WDR7: variants seen among roughly 807,000 people sequenced by gnomAD.
WDR7 encodes the protein WD repeat-containing protein 7.
A neutral mutation model predicts 169.4 loss-of-function variants in WDR7; 46 were observed. The ratio of observed to expected loss-of-function variants is 0.27; its 90% CI spans 0.21 to 0.35. The LOEUF (loss-of-function observed/expected upper bound fraction) is 0.35. Ranked by LOEUF, WDR7 falls within the 10% of genes least tolerant of loss-of-function variation. The pLI is 1.00. For missense variants in WDR7, 1,534 were observed against 1,859.3 expected (o/e 0.83, Z 3.22); for synonymous variants, 612 against 666.8 (o/e 0.92, Z 1.27).
intron 25 of WDR7, among the ~76,000 whole-genome samples, chr18:56,960,882 T>G (rs1013067520): frequency 1.3e-5 from 2 of 151,998 alleles, no homozygotes; most frequent in African/African-American, 4.8e-5. Flanking sequence ...TATCCTTCCT[T>G]CTCTCAAACC....
intron 25 of WDR7, among the ~76,000 whole-genome samples, chr18:56,939,933 T>C (rs935807530): frequency 8.0e-5 from 12 of 150,938 alleles, no homozygotes; most frequent in Non-Finnish European, 1.6e-4. Context: ...ATTATATATA[T>C]ACATAATTTA....
At chr18:56,903,735 A>T (rs375847357) in intron 21 of WDR7, among the ~76,000 whole-genome samples, 85 of 152,202 alleles carry the variant, frequency 5.6e-4, no homozygotes, top group South Asian at 1.7e-3. Flanking sequence ...TCCATTTTCA[A>T]TGGAAGTTGG....
chr18:56,929,226 T>G (rs1454078985), intron 22 of WDR7, among the ~76,000 whole-genome samples: 1 of 151,952 alleles, frequency 6.6e-6, no homozygotes, highest in Non-Finnish European at 1.5e-5. Context: ...CAGTGAGCTA[T>G]GATCGTACCA....
intron 20 of WDR7, among the ~76,000 whole-genome samples, chr18:56,840,238 C>T (rs1032508704): frequency 6.6e-6 from 1 of 151,928 alleles, no homozygotes; most frequent in South Asian, 2.1e-4. Context: ...GTGACAGTGA[C>T]TTAGAGGGTT....
chr18:56,725,968 T>C (rs1315107036), intron 13 of WDR7, among the ~76,000 whole-genome samples: 2 of 152,168 alleles, frequency 1.3e-5, no homozygotes, highest in Non-Finnish European at 2.9e-5. Flanking sequence ...TAGTTGTAGA[T>C]GTGTGGTATT....
At chr18:56,651,988 C>T (rs767457532) in intron 1 of WDR7, among the ~76,000 whole-genome samples, 20 of 152,094 alleles carry the variant, frequency 1.3e-4, no homozygotes, top group Non-Finnish European at 2.9e-4. Context: ...TATTTTTGCC[C>T]ATGCCCAAGG....
rs146110977 is a variant in WDR7 at position 56,718,107 on chromosome 18, C to G, written c.1722C>G (p.Tyr574Ter). The G allele has an allele frequency of 6.2e-7, 1 of 1,614,062 alleles. No homozygotes were observed. Among genetic ancestry groups the G allele is most frequent in the Non-Finnish European group, 8.5e-7 (1 of 1,179,994 alleles). The change falls in exon 13 of 28, where the codon TAC (tyrosine) becomes TAG (stop). Residue 574 changes from tyrosine (Y) to a stop codon, truncating the protein, a stop_gained. Coordinates refer to ENST00000254442, the MANE Select transcript of WDR7 (RefSeq NM_015285.3). LOFTEE classifies it high-confidence loss of function. ...QVIKWRPSDD[Y>*]LVVGCSDGSV... ...TCAAATGGAGGCCTTCTGATGATTA[C>G]CTGGTGGTGGGGTGTTCAGATGGTT...
intron 26 of WDR7, among the ~76,000 whole-genome samples, chr18:57,011,702 C>A (rs958755757): frequency 2.6e-5 from 4 of 152,186 alleles, no homozygotes; most frequent in Non-Finnish European, 2.9e-5. Context: ...ACTCTCAAAT[C>A]TCTGTTCAAA....
chr18:56,755,931 C>T (rs905096459), intron 14 of WDR7, among the ~76,000 whole-genome samples: 1 of 152,018 alleles, frequency 6.6e-6, no homozygotes, highest in Admixed American at 6.5e-5. Context: ...TCATATACTG[C>T]AAAGACATTA....
chr18:56,769,447 C>T (rs114146085), intron 16 of WDR7, among the ~76,000 whole-genome samples: 1,626 of 152,292 alleles, frequency 0.011, 42 homozygotes, highest in African/African-American at 0.037. Flanking sequence ...GATCCTCCCA[C>T]CCCAACCTCC....
intron 5 of WDR7, 92 bp from the exon 6 acceptor site, chr18:56,685,864 G>A (rs2025432803): frequency 9.9e-7 from 1 of 1,012,146 alleles, no homozygotes; most frequent in Non-Finnish European, 1.5e-6. Flanking sequence ...ACATGCTATT[G>A]TTTAATTTTA....
chr18:56,694,474 A>C, intron 9 of WDR7, 145 bp from the exon 10 acceptor site: 1 of 677,372 alleles, frequency 1.5e-6, no homozygotes, highest in Non-Finnish European at 2.4e-6. Flanking sequence ...TTACATTAAA[A>C]TATTGTTGAA....
rs930407291 is a variant in WDR7 at position 56,733,182 on chromosome 18, G to C, written c.1989+1585G>C. Among the ~76,000 whole-genome samples, 4 of 152,130 alleles carry C rather than the reference G, an allele frequency of 2.6e-5. No homozygotes were observed. In the South Asian group the frequency reaches 6.2e-4, roughly 24 times the overall value. On this transcript the variant is annotated intron_variant, in intron 14 of 27. Coordinates refer to ENST00000254442, the MANE Select transcript of WDR7 (RefSeq NM_015285.3). ...ATTGCTTGTGAACCTCCTTAGTCTT[G>C]TAGCAGTGGTAATTGTTGCCTGGCC...
At chr18:56,930,394 AT>A (rs1363771553) in intron 22 of WDR7, among the ~76,000 whole-genome samples, 1 of 152,190 alleles carries the variant, frequency 6.6e-6, no homozygotes, top group Non-Finnish European at 1.5e-5. Context: ...AGCTATTCAT[AT>A]TTTTCCTGTT....
rs73960914 is a variant in WDR7 at position 56,879,816 on chromosome 18, A to G, written c.3305-128A>G. Reference sequence around the variant, plus strand: ...TTCATCCTTTTGCCTGTGAGTAACCATTTGTCCTAGTGCCATTTGCTGAAA... The same window carrying G: ...TTCATCCTTTTGCCTGTGAGTAACCGTTTGTCCTAGTGCCATTTGCTGAAA... On this transcript the variant is annotated intron_variant, in intron 20 of 27. Coordinates refer to ENST00000254442, the MANE Select transcript of WDR7 (RefSeq NM_015285.3). 10,292 of 708,716 alleles carry G rather than the reference A, an allele frequency of 0.015. 815 individuals are homozygous for G. In the African/African-American group the frequency reaches 0.17, roughly 11 times the overall value. The allele number at this position is 708,716 out of a possible 1,614,324, so 43.9% of individuals were successfully genotyped here. A position where few individuals can be genotyped will look rare whatever the true frequency, so the allele number is the denominator to read the frequency against.
At chr18:56,900,298 A>G (rs76672413) in intron 21 of WDR7, among the ~76,000 whole-genome samples, 1 of 152,188 alleles carries the variant, frequency 6.6e-6, no homozygotes, top group Admixed American at 6.5e-5. Flanking sequence ...TATTAAAGCT[A>G]TGTAGTAGTC....
chr18:56,970,518 C>A (rs73444857), intron 26 of WDR7, among the ~76,000 whole-genome samples: 1 of 152,086 alleles, frequency 6.6e-6, no homozygotes, highest in Non-Finnish European at 1.5e-5. Flanking sequence ...ATTTAACATA[C>A]TTTTTTAGAA....
downstream of WDR7, chr18:57,032,013 A>C (rs1335380500): frequency 6.6e-6 from 1 of 152,188 alleles, no homozygotes; most frequent in Non-Finnish European, 1.5e-5. Flanking sequence ...ATCCTATCCA[A>C]AGGAGGGCTC....
intron 1 of WDR7, among the ~76,000 whole-genome samples, chr18:56,663,338 CATT>C (rs68178407): frequency 0.92 from 139,582 of 152,102 alleles, 65,221 homozygotes; most frequent in East Asian, 1. Context: ...TGAGGGAAAA[CATT>C]ATAAAAAGCA....
Sources: allele counts gnomAD v4.1 joint callset (sites outside exome capture counted in the v4.1 genomes callset), GRCh38; gene constraint gnomAD v4.1.1; transcripts MANE v1.5; gene names NCBI Gene and HGNC (gene_info 2026-07-23, HGNC 2026-07-21).